PCDHGA4: variants seen among roughly 807,000 people sequenced by gnomAD.
The protein encoded by PCDHGA4 is protocadherin gamma subfamily A, 4, also known as protocadherin gamma-A4.
In PCDHGA4, 38 loss-of-function variants were observed where a neutral mutation model predicts 54.6. The ratio of observed to expected loss-of-function variants is 0.70; its 90% CI spans 0.54 to 0.91. PCDHGA4 has a LOEUF of 0.91. Among genes scored for constraint, PCDHGA4 ranks in the 40% least tolerant of loss-of-function variants. The pLI is 0.00. For missense variants in PCDHGA4, 1,298 were observed against 1,220.9 expected (o/e 1.06, Z -0.94); for synonymous variants, 511 against 512.9 (o/e 1.00, Z 0.05).
At chr5:141,501,402 G>A (rs527659990) in intron 2 of PCDHGA4, among the ~76,000 whole-genome samples, 5 of 151,740 alleles carry the variant, frequency 3.3e-5, no homozygotes, top group Non-Finnish European at 7.4e-5. Flanking sequence ...ACAGGCCACT[G>A]CTTGGAAAAT....
intron 1 of PCDHGA4, chr5:141,362,035 G>T (rs1246386759): frequency 1.2e-6 from 2 of 1,609,742 alleles, no homozygotes; most frequent in African/African-American, 1.3e-5. Context: ...TGCCTTGGGC[G>T]ACAGGGACGC....
At chr5:141,478,505 T>C (rs1298083274) in intron 1 of PCDHGA4, 3 of 1,612,032 alleles carry the variant, frequency 1.9e-6, no homozygotes, top group Non-Finnish European at 2.5e-6. Context: ...TCCGGTGTTC[T>C]ATAGGCAGGT....
At chr5:141,461,740 G>A (rs770518286) in intron 1 of PCDHGA4, among the ~76,000 whole-genome samples, 4 of 152,072 alleles carry the variant, frequency 2.6e-5, no homozygotes, top group Non-Finnish European at 2.9e-5. Context: ...GCACAATCCC[G>A]GCTCCCAGAT....
intron 1 of PCDHGA4, chr5:141,383,690 T>C: frequency 1.9e-6 from 3 of 1,614,010 alleles, no homozygotes; most frequent in Non-Finnish European, 2.5e-6. Flanking sequence ...CTGCTCACGG[T>C]ACATGCTATC....
intron 1 of PCDHGA4, chr5:141,384,851 A>G (rs1460277994): frequency 1.9e-6 from 3 of 1,613,516 alleles, no homozygotes; most frequent in East Asian, 2.2e-5. Flanking sequence ...GACCACGGTC[A>G]GCCTCCTCTG....
At chr5:141,449,450 T>C (rs1269861041) in intron 1 of PCDHGA4, among the ~76,000 whole-genome samples, 2 of 151,216 alleles carry the variant, frequency 1.3e-5, no homozygotes, top group Non-Finnish European at 2.9e-5. Context: ...CTACTAAAAA[T>C]ACAAAAATTA....
chr5:141,490,948 G>T lies in PCDHGA4; in HGVS notation c.2515-3859G>T. 1 of 1,613,756 alleles carries T rather than the reference G, an allele frequency of 6.2e-7. No homozygotes were observed. The highest frequency in any genetic ancestry group is 8.5e-7 in the Non-Finnish European group (1 of 1,179,810). On this transcript the variant is annotated intron_variant, in intron 1 of 3. Coordinates refer to ENST00000571252, the MANE Select transcript of PCDHGA4 (RefSeq NM_018917.4). The surrounding 1 kb of genome is among the most constrained non-coding windows in gnomAD (Gnocchi z 5.4). The stretch of plus-strand genomic sequence containing the variant: ...CCCAGCTGTGCTGCACCCACGGCCA[G>T]ACTGGGAACACTCAGCCCCCCAGCG...
chr5:141,370,282 G>C (rs1485340521), intron 1 of PCDHGA4: 2 of 938,746 alleles, frequency 2.1e-6, no homozygotes, highest in East Asian at 2.6e-5. Context: ...ACACCCATTA[G>C]AGAACCCAAG....
At chr5:141,444,578 C>G (rs1030770037) in intron 1 of PCDHGA4, among the ~76,000 whole-genome samples, 1 of 152,134 alleles carries the variant, frequency 6.6e-6, no homozygotes, top group Non-Finnish European at 1.5e-5. Context: ...TTGACTCTTC[C>G]TTTCTACTTA....
intron 1 of PCDHGA4, among the ~76,000 whole-genome samples, chr5:141,465,396 C>A (rs2099102528): frequency 6.6e-6 from 1 of 152,054 alleles, no homozygotes; most frequent in Admixed American, 6.6e-5. Context: ...AAAAACAAGT[C>A]AGAAGAAGCC....
intron 1 of PCDHGA4, chr5:141,408,041 C>T: frequency 1.7e-6 from 2 of 1,193,652 alleles, no homozygotes; most frequent in Non-Finnish European, 2.3e-6. Context: ...AAACCAGCTC[C>T]CACACAGAGC....
intron 1 of PCDHGA4, among the ~76,000 whole-genome samples, chr5:141,473,915 A>G (rs1366378437): frequency 3.3e-5 from 5 of 152,162 alleles, no homozygotes; most frequent in Non-Finnish European, 5.9e-5. Flanking sequence ...GTCTTAAGAA[A>G]ACTATGAGCT....
chr5:141,480,914 G>A (rs959577133), intron 1 of PCDHGA4, among the ~76,000 whole-genome samples: 18 of 151,978 alleles, frequency 1.2e-4, no homozygotes, highest in South Asian at 4.2e-4. Flanking sequence ...GCATGGTGGC[G>A]CATACCTGTA....
At chr5:141,414,081 T>C (rs748527220) in intron 1 of PCDHGA4, 1 of 1,601,774 alleles carries the variant, frequency 6.2e-7, no homozygotes, top group South Asian at 1.1e-5. Flanking sequence ...ACAAATATAC[T>C]GGAGAAATAA....
At chr5:141,393,000 G>C (rs772046833) in intron 1 of PCDHGA4, 5 of 1,613,856 alleles carry the variant, frequency 3.1e-6, no homozygotes, top group African/African-American at 1.3e-5. Context: ...GGCGAAGCAC[G>C]GAGTCCGTAT....
chr5:141,375,868 C>G (rs1259625295), intron 1 of PCDHGA4: 1 of 1,613,938 alleles, frequency 6.2e-7, no homozygotes. Flanking sequence ...TGGCGGTGGA[C>G]AGAGACTCGG....
At chr5:141,402,469 A>G (rs2094270515) in intron 1 of PCDHGA4, among the ~76,000 whole-genome samples, 1 of 152,224 alleles carries the variant, frequency 6.6e-6, no homozygotes. Context: ...ATCTAGAAAT[A>G]GAGTGCAAAG....
rs1344329529 is a variant in PCDHGA4, at chr5:141,456,847, C to T, written c.2515-37960C>T. Among the ~76,000 whole-genome samples the T allele has an allele frequency of 2.0e-5, 3 of 152,084 alleles. No homozygotes were observed. The East Asian group carries it at 5.8e-4, about 29-fold the overall frequency. ...TCGTGGTAGTGGGCGCCTGTAATCC[C>T]AGCTAATTGGGAGGCTGAGGCAGGA... On this transcript the variant is annotated intron_variant, in intron 1 of 3. Transcript: ENST00000571252.
At chr5:141,478,143 A>G (rs759384540) in intron 1 of PCDHGA4, 72 of 1,614,014 alleles carry the variant, frequency 4.5e-5, no homozygotes, top group Middle Eastern at 3.3e-4. Context: ...GCCCGAGCCG[A>G]GTTCCCCTCT....
Sources: allele counts gnomAD v4.1 joint callset (sites outside exome capture counted in the v4.1 genomes callset), GRCh38; gene constraint gnomAD v4.1.1; non-coding constraint Gnocchi (gnomAD v3.1); transcripts MANE v1.5; gene names NCBI Gene and HGNC (gene_info 2026-07-23, HGNC 2026-07-21).